The following FAM118A variants were observed in gnomAD, a reference collection of about 807,000 sequenced individuals.
FAM118A encodes the protein SIR2 antiphage like 2.
In FAM118A, 25 loss-of-function variants were observed where a neutral mutation model predicts 38.2. The ratio of observed to expected loss-of-function variants is 0.65; its 90% CI spans 0.48 to 0.91. The LOEUF is 0.91. Ranked by LOEUF, FAM118A falls within the 40% of genes least tolerant of loss-of-function variation. The pLI, the probability that FAM118A is intolerant of heterozygous loss-of-function variation, is 0.00. For synonymous variants in FAM118A, 178 were observed against 184.1 expected, an observed-to-expected ratio of 0.97 and a Z score of 0.27; for missense variants, 425 against 463.3, an observed-to-expected ratio of 0.92 and a Z score of 0.76.
At chr22:45,311,432 T>C (rs1035083415) in intron 1 of FAM118A, among the ~76,000 whole-genome samples, 1 of 152,098 alleles carries the variant, frequency 6.6e-6, no homozygotes. Flanking sequence ...ATGATCCAGC[T>C]GAGCTGAAGG....
chr22:45,318,382 C>G (rs536130543), intron 1 of FAM118A: 1 of 152,084 alleles, frequency 6.6e-6, no homozygotes. Context: ...CTAAGGAAAC[C>G]GAGAGATGCA....
At chr22:45,328,825 A>G (rs1461124749) in intron 4 of FAM118A, 3 of 212,010 alleles carry the variant, frequency 1.4e-5, no homozygotes, top group Non-Finnish European at 2.9e-5. Flanking sequence ...TGGGTAATAT[A>G]TAAAGAAAAG....
chr22:45,339,455 C>A (rs2086329537), intron 8 of FAM118A, among the ~76,000 whole-genome samples: 3 of 150,252 alleles, frequency 2.0e-5, no homozygotes, highest in Admixed American at 2.0e-4. Flanking sequence ...CTTGGGGGCA[C>A]ACATGTTTTA....
At chr22:45,315,213 G>T (rs2084552628) in intron 1 of FAM118A, among the ~76,000 whole-genome samples, 1 of 152,178 alleles carries the variant, frequency 6.6e-6, no homozygotes, top group Non-Finnish European at 1.5e-5. Flanking sequence ...GCTCTGTTTG[G>T]TGGGACTGGT....
intron 6 of FAM118A, chr22:45,334,985 C>G: frequency 4.4e-6 from 1 of 228,686 alleles, no homozygotes. Flanking sequence ...GACAGGCTGC[C>G]AGAAGACTGC....
chr22:45,337,978 G>A, intron 8 of FAM118A: 1 of 872,330 alleles, frequency 1.1e-6, no homozygotes, highest in Non-Finnish European at 1.4e-6. Flanking sequence ...GGTACCCGTT[G>A]CTTTTTTTCC....
intron 1 of FAM118A, among the ~76,000 whole-genome samples, chr22:45,321,269 G>A (rs2084862217): frequency 6.6e-6 from 1 of 152,126 alleles, no homozygotes; most frequent in African/African-American, 2.4e-5. Context: ...AGAGAGTAGA[G>A]GGAATATATA....
At chr22:45,317,689 G>A (rs564919390) in intron 1 of FAM118A, among the ~76,000 whole-genome samples, 1 of 152,192 alleles carries the variant, frequency 6.6e-6, no homozygotes, top group Non-Finnish European at 1.5e-5. Flanking sequence ...CCAGGCCCAG[G>A]TCCCGGCCCA....
intron 1 of FAM118A, chr22:45,318,949 G>A (rs1482463843): frequency 6.6e-6 from 1 of 152,220 alleles, no homozygotes; most frequent in Non-Finnish European, 1.5e-5. Context: ...AGTGCGAGCT[G>A]TGGCCTGTTA....
At chr22:45,319,535 A>G (rs2084758898) in intron 1 of FAM118A, among the ~76,000 whole-genome samples, 1 of 152,216 alleles carries the variant, frequency 6.6e-6, no homozygotes, top group African/African-American at 2.4e-5. Flanking sequence ...CAGCTGCCAG[A>G]GCACTTTCAT....
chr22:45,335,446 C>G (rs759223978), intron 7 of FAM118A, 64 bp downstream of exon 7: 5 of 1,562,528 alleles, frequency 3.2e-6, no homozygotes, highest in Non-Finnish European at 4.4e-6. Flanking sequence ...TCTTCTGTCA[C>G]TAACTGTAAA....
chr22:45,337,087 G>T (rs2086157742), intron 8 of FAM118A, among the ~76,000 whole-genome samples: 1 of 152,140 alleles, frequency 6.6e-6, no homozygotes, highest in Non-Finnish European at 1.5e-5. Flanking sequence ...AGTGCTGTGT[G>T]TTATTTCTCA....
chr22:45,318,782 G>T (rs1026812769), intron 1 of FAM118A: 2 of 152,188 alleles, frequency 1.3e-5, no homozygotes, highest in African/African-American at 4.8e-5. Flanking sequence ...ATCCTTAAAA[G>T]TATGCATCAG....
At chr22:45,322,279 A>C in intron 1 of FAM118A, 92 bp from the exon 2 acceptor site, 1 of 1,584,848 alleles carries the variant, frequency 6.3e-7, no homozygotes, top group Non-Finnish European at 8.6e-7. Context: ...AGGACCTTTG[A>C]TTTTAATTCT....
intron 7 of FAM118A, among the ~76,000 whole-genome samples, chr22:45,335,843 A>G (rs1410298444): frequency 6.6e-6 from 1 of 152,216 alleles, no homozygotes; most frequent in African/African-American, 2.4e-5. Flanking sequence ...CTGTTTATAA[A>G]TTTAATGAGA....
intron 1 of FAM118A, among the ~76,000 whole-genome samples, chr22:45,314,474 G>C (rs2084517899): frequency 6.6e-6 from 1 of 152,248 alleles, no homozygotes; most frequent in Non-Finnish European, 1.5e-5. Flanking sequence ...GGAAGGGTAT[G>C]GGACATGAGC....
chr22:45,323,698 A>C (rs1474951269), intron 3 of FAM118A, among the ~76,000 whole-genome samples: 1 of 152,184 alleles, frequency 6.6e-6, no homozygotes, highest in Admixed American at 6.5e-5. Flanking sequence ...GTCCAGCTGC[A>C]CTCAGTATGA....
Position 45,341,818 on chromosome 22 carries a change from G to A in FAM118A, c.*1413G>A, listed in dbSNP as rs2086465884. 1.3e-5 allele frequency: 2 copies of A among 152,172 alleles called. No homozygotes were observed. Among genetic ancestry groups the A allele is most frequent in the East Asian group, 3.8e-4 (2 of 5,198 alleles). 9.4% of individuals were successfully genotyped at this position (152,172 alleles called of 1,614,324 possible). On this transcript the variant is annotated 3_prime_UTR_variant, in exon 9 of 9. Coordinates refer to ENST00000441876, the MANE Select transcript of FAM118A (RefSeq NM_017911.4). ...CCCATTGATGACTCCCATAGGTACA[G>A]ATAAAGTTAAGAACAGGAAACAGAA...
At chr22:45,338,238 TTTA>T (rs917531488) in intron 8 of FAM118A, among the ~76,000 whole-genome samples, 33 of 114,824 alleles carry the variant, frequency 2.9e-4, no homozygotes, top group Admixed American at 9.6e-4. Context: ...TGTCTTTTTT[TTTA>T]TTTTTTGAGA....
Sources: gnomAD v4.1 joint callset for allele counts (sites outside exome capture counted in the v4.1 genomes callset) on GRCh38, gnomAD v4.1.1 for gene constraint, MANE v1.5 for transcripts, NCBI Gene and HGNC (gene_info 2026-07-23, HGNC 2026-07-21) for gene names.